Variants in PLCG2 observed in about 807,000 individuals in gnomAD.
PLCG2 encodes the protein 1-phosphatidylinositol 4,5-bisphosphate phosphodiesterase gamma-2.
PLCG2 carries 69 observed loss-of-function variants against 175.6 expected under a neutral mutation model. The ratio of observed to expected loss-of-function variants is 0.39; its 90% CI spans 0.32 to 0.48. The LOEUF (loss-of-function observed/expected upper bound fraction) is 0.48, where lower values mean the gene tolerates loss of function less well. Ranked by LOEUF, PLCG2 falls within the 20% of genes least tolerant of loss-of-function variation. The pLI, the probability that PLCG2 is intolerant of heterozygous loss-of-function variation, is 0.91. For synonymous variants in PLCG2, 827 were observed against 624.0 expected (o/e 1.33, Z -4.85); for missense variants, 1,798 against 1,650.9 (o/e 1.09, Z -1.54).
At chr16:81,868,366 C>T (rs1214096808) in intron 5 of PLCG2, among the ~76,000 whole-genome samples, 2 of 117,546 alleles carry the variant, frequency 1.7e-5, no homozygotes, top group Admixed American at 1.8e-4. Flanking sequence ...TAAAAGAAAC[C>T]TTTATTTTTT....
At chr16:81,880,681 A>C (rs1312670761) in intron 7 of PLCG2, among the ~76,000 whole-genome samples, 1 of 152,348 alleles carries the variant, frequency 6.6e-6, no homozygotes, top group East Asian at 1.9e-4. Flanking sequence ...CTTAAGGGTG[A>C]CTGCTTCTTG....
At chr16:81,764,223 G>A (rs1910097515) in intron 2 of PLCG2, among the ~76,000 whole-genome samples, 1 of 152,146 alleles carries the variant, frequency 6.6e-6, no homozygotes, top group African/African-American at 2.4e-5. Flanking sequence ...AGCCCAGGAG[G>A]TCGAGGCTGG....
At chr16:81,927,532 C>T (rs1910326473) in intron 23 of PLCG2, among the ~76,000 whole-genome samples, 1 of 152,188 alleles carries the variant, frequency 6.6e-6, no homozygotes, top group Non-Finnish European at 1.5e-5. Context: ...TGAGAACGTG[C>T]TTGGGGCGAG....
At chr16:81,870,156 A>T (rs1468911240) in intron 6 of PLCG2, among the ~76,000 whole-genome samples, 3 of 152,240 alleles carry the variant, frequency 2.0e-5, no homozygotes, top group Admixed American at 6.5e-5. Flanking sequence ...AGAAGAGGAG[A>T]GAGATGGGAG....
intron 19 of PLCG2, among the ~76,000 whole-genome samples, chr16:81,916,578 C>G (rs1487927125): frequency 1.5e-5 from 2 of 131,040 alleles, no homozygotes; most frequent in Admixed American, 9.2e-5. Context: ...ACACACTTAA[C>G]CATTTTTTTT....
chr16:81,921,128 C>T, intron 20 of PLCG2, 70 bp from the exon 21 acceptor site: 1 of 944,456 alleles, frequency 1.1e-6, no homozygotes, highest in Non-Finnish European at 1.7e-6. Flanking sequence ...AAGCCTAGAA[C>T]CCTTGTTATA....
intron 2 of PLCG2, among the ~76,000 whole-genome samples, chr16:81,768,932 C>T (rs1325359922): frequency 6.6e-6 from 1 of 152,156 alleles, no homozygotes; most frequent in Non-Finnish European, 1.5e-5. Flanking sequence ...ACCAGTTGGT[C>T]TTCCCCAGCA....
At chr16:81,867,991 C>A (rs3934986) in intron 5 of PLCG2, among the ~76,000 whole-genome samples, 11,093 of 152,240 alleles carry the variant, frequency 0.073, 415 homozygotes, top group Middle Eastern at 0.1. Flanking sequence ...GAGCCACCAC[C>A]GTGCCTGGCC....
chr16:81,831,160 T>A (rs1905244198), intron 2 of PLCG2, among the ~76,000 whole-genome samples: 1 of 152,212 alleles, frequency 6.6e-6, no homozygotes, highest in Admixed American at 6.5e-5. Flanking sequence ...TTCTTTGGTT[T>A]AGTTTTTGTA....
intron 9 of PLCG2, 25 bp downstream of exon 9, chr16:81,883,366 C>T: frequency 6.3e-7 from 1 of 1,592,686 alleles, no homozygotes; most frequent in Non-Finnish European, 8.6e-7. Flanking sequence ...TGTGTGGGTG[C>T]CTGAGGGAGC....
intron 2 of PLCG2, among the ~76,000 whole-genome samples, chr16:81,818,898 T>G (rs1904672187): frequency 6.6e-6 from 1 of 150,478 alleles, no homozygotes; most frequent in Admixed American, 6.6e-5. Context: ...TTTTTTTTTT[T>G]TTTTTTTTTA....
chr16:81,942,818 C>G (rs1202023298), intron 30 of PLCG2, among the ~76,000 whole-genome samples: 2 of 152,300 alleles, frequency 1.3e-5, no homozygotes, highest in East Asian at 1.9e-4. Context: ...TGCCCTCTCA[C>G]TGGGTGCTCA....
chr16:81,828,090 C>CAAA (rs763973143), intron 2 of PLCG2, among the ~76,000 whole-genome samples: 11 of 50,054 alleles, frequency 2.2e-4, no homozygotes, highest in African/African-American at 5.7e-4. Context: ...AACTCCGTCT[C>CAAA]AAAAAAAAAA....
chr16:81,843,250 C>A (rs1276061815), intron 2 of PLCG2, among the ~76,000 whole-genome samples: 2 of 152,256 alleles, frequency 1.3e-5, no homozygotes, highest in Non-Finnish European at 2.9e-5. Flanking sequence ...CCTCCTTGAC[C>A]ATCATTTGCC....
intron 2 of PLCG2, among the ~76,000 whole-genome samples, chr16:81,758,705 T>C (rs919524962): frequency 6.7e-6 from 1 of 150,110 alleles, no homozygotes; most frequent in African/African-American, 2.5e-5. Flanking sequence ...TGAGACAGAG[T>C]CTCACTCTGT....
intron 25 of PLCG2, among the ~76,000 whole-genome samples, chr16:81,933,007 C>A (rs1180893331): frequency 6.6e-6 from 1 of 152,210 alleles, no homozygotes; most frequent in African/African-American, 2.4e-5. Context: ...TAGTGCACTC[C>A]AGCTCTCTCT....
chr16:81,765,606 G>GGGT, intron 2 of PLCG2, among the ~76,000 whole-genome samples: 1 of 152,260 alleles, frequency 6.6e-6, no homozygotes, highest in Non-Finnish European at 1.5e-5. Flanking sequence ...CCTCCAGCCT[G>GGGT]GATGACAGAG....
At chr16:81,769,212 G>A (rs762609562) in intron 2 of PLCG2, among the ~76,000 whole-genome samples, 2 of 152,166 alleles carry the variant, frequency 1.3e-5, no homozygotes, top group Non-Finnish European at 2.9e-5. Context: ...AATGGTTGCC[G>A]CAGGTAAAAC....
intron 2 of PLCG2, among the ~76,000 whole-genome samples, chr16:81,840,578 C>T (rs960743084): frequency 6.6e-6 from 1 of 152,160 alleles, no homozygotes; most frequent in African/African-American, 2.4e-5. Flanking sequence ...GCATTAGATT[C>T]TCATAAAGAG....
Sources: allele counts gnomAD v4.1 joint callset (sites outside exome capture counted in the v4.1 genomes callset), GRCh38; gene constraint gnomAD v4.1.1; transcripts MANE v1.5; gene names NCBI Gene and HGNC (gene_info 2026-07-23, HGNC 2026-07-21).